The following CD96 variants were observed in gnomAD, a reference collection of about 807,000 sequenced individuals.
CD96 encodes the protein T-cell surface protein tactile.
In CD96, 70 loss-of-function variants were observed where a neutral mutation model predicts 71.3. The ratio of observed to expected loss-of-function variants is 0.98; its 90% CI spans 0.81 to 1.20. CD96 has a LOEUF of 1.20. Ranked by LOEUF, CD96 falls within the 50% of genes most tolerant of loss-of-function variation. CD96 has a pLI of 0.00. For missense variants in CD96, 742 were observed against 677.5 expected, an observed-to-expected ratio of 1.10 and a Z score of -1.06; for synonymous variants, 248 against 233.0, an observed-to-expected ratio of 1.06 and a Z score of -0.59.
intron 10 of CD96, among the ~76,000 whole-genome samples, chr3:111,631,275 G>A (rs1939048293): frequency 6.6e-6 from 1 of 152,148 alleles, no homozygotes; most frequent in South Asian, 2.1e-4. Flanking sequence ...AACTTCTTAA[G>A]CTGATAAGCA....
At chr3:111,572,221 T>C (rs978233183) in intron 3 of CD96, among the ~76,000 whole-genome samples, 9 of 152,330 alleles carry the variant, frequency 5.9e-5, no homozygotes, top group Admixed American at 5.2e-4. Flanking sequence ...TGAATAATCA[T>C]ATGAGACTCT....
intron 1 of CD96, among the ~76,000 whole-genome samples, 172 bp from the exon 2 acceptor site, chr3:111,544,874 T>G (rs1359522135): frequency 6.6e-6 from 1 of 152,228 alleles, no homozygotes; most frequent in African/African-American, 2.4e-5. Flanking sequence ...TCATTTATAT[T>G]GTCTCATGCA....
chr3:111,579,282 C>A, intron 4 of CD96, 48 bp downstream of exon 4: 1 of 998,004 alleles, frequency 1.0e-6, no homozygotes. Context: ...CTGTCTCCTG[C>A]CCTGCTCTTC....
In CD96 at chr3:111,619,220, T is replaced by A. The variant is rs540424238; in HGVS notation, c.1181-4534T>A. 7.4e-4 allele frequency among the ~76,000 whole-genome samples: 112 copies of A among 152,028 alleles called. 2 individuals carry two copies. The highest frequency in any genetic ancestry group is 1.6e-4 in the Non-Finnish European group (11 of 67,992). On this transcript the variant is annotated intron_variant, in intron 8 of 13. Coordinates refer to ENST00000352690, the MANE Select transcript of CD96 (RefSeq NM_005816.5). Reference sequence around the variant, plus strand: ...CAATTCAGCACTGACTGGAGCTGTCTTCTAACTTAATTGAATTTCCAGTGA... The same window carrying A: ...CAATTCAGCACTGACTGGAGCTGTCATCTAACTTAATTGAATTTCCAGTGA...
At chr3:111,656,366 C>G (rs1940228825), downstream of CD96, among the ~76,000 whole-genome samples, 1 of 152,132 alleles carries the variant, frequency 6.6e-6, no homozygotes, top group Non-Finnish European at 1.5e-5. Flanking sequence ...TGTCCGTTAT[C>G]AAGGCTTTGG....
In CD96 at chr3:111,553,457, C is replaced by A. The variant is rs1254545953; in HGVS notation, c.418+8055C>A. 2.4e-5 allele frequency among the ~76,000 whole-genome samples: 3 copies of A among 125,138 alleles called. No homozygotes were observed. The South Asian group carries it at 7.2e-4, about 30-fold the overall frequency. The allele number at this position is 125,138 out of a possible 152,430, so 82.1% of individuals were successfully genotyped here. A position where few individuals can be genotyped will look rare whatever the true frequency, so the allele number is the denominator to read the frequency against. On this transcript the variant is annotated intron_variant, in intron 2 of 13. Coordinates refer to ENST00000352690, the MANE Select transcript of CD96 (RefSeq NM_005816.5). ...TTCTTTTTTTTTTTTTTTGGCAAGA[C>A]TACGTGATAGATGATGCATAGTTAT...
At chr3:111,611,585 G>T (rs1937939953) in intron 8 of CD96, among the ~76,000 whole-genome samples, 1 of 152,066 alleles carries the variant, frequency 6.6e-6, no homozygotes, top group Non-Finnish European at 1.5e-5. Context: ...TGCCTCAATT[G>T]CTGTCCAATA....
intron 8 of CD96, among the ~76,000 whole-genome samples, chr3:111,618,122 G>A (rs1039456767): frequency 2.0e-5 from 3 of 152,180 alleles, no homozygotes; most frequent in Admixed American, 6.5e-5. Flanking sequence ...CAGACCCCAC[G>A]CTCACTCGTT....
At chr3:111,561,260 G>A (rs1262077750) in intron 2 of CD96, among the ~76,000 whole-genome samples, 26 of 150,222 alleles carry the variant, frequency 1.7e-4, no homozygotes, top group Admixed American at 7.3e-4. Context: ...GAGGAACTGT[G>A]TTCCTTTGGA....
intron 14 of CD96, among the ~76,000 whole-genome samples, chr3:111,663,157 C>CA (rs1471751848): frequency 3.3e-5 from 5 of 152,110 alleles, no homozygotes; most frequent in African/African-American, 9.7e-5. Context: ...CCCTTTCAAA[C>CA]AAAAAAGTGA....
intron 7 of CD96, among the ~76,000 whole-genome samples, chr3:111,605,937 A>C (rs760640444): frequency 2.0e-5 from 3 of 152,234 alleles, no homozygotes; most frequent in Non-Finnish European, 4.4e-5. Flanking sequence ...TCTAACTTCA[A>C]AATCATCTAA....
chr3:111,580,293 T>C (rs779885279), intron 4 of CD96, among the ~76,000 whole-genome samples: 3 of 152,168 alleles, frequency 2.0e-5, no homozygotes, highest in African/African-American at 7.2e-5. Context: ...AAGGTTAAAA[T>C]TCTATTTTCC....
intron 7 of CD96, among the ~76,000 whole-genome samples, chr3:111,601,952 G>A (rs1937511139): frequency 1.3e-5 from 2 of 152,174 alleles, no homozygotes; most frequent in Non-Finnish European, 2.9e-5. Flanking sequence ...CGCTCCCGTA[G>A]CCTTGCCTGT....
chr3:111,598,494 C>G (rs1937355729), intron 6 of CD96, among the ~76,000 whole-genome samples: 2 of 152,170 alleles, frequency 1.3e-5, no homozygotes, highest in Non-Finnish European at 2.9e-5. Context: ...TAAATGAGGA[C>G]AAAAAGTTTA....
intron 5 of CD96, among the ~76,000 whole-genome samples, chr3:111,585,817 T>G (rs970281856): frequency 6.6e-6 from 1 of 152,096 alleles, no homozygotes; most frequent in Non-Finnish European, 1.5e-5. Context: ...AGATATGCCC[T>G]CCTGTACTCC....
At position 111,649,763 on chromosome 3, in the gene CD96, C is replaced by T; in HGVS notation, c.1667C>T (p.Pro556Leu). 1 of 1,613,880 alleles carries T rather than the reference C, an allele frequency of 6.2e-7. No individual in the cohort carries two copies. Residue 556 changes from proline (P) to leucine (L), a missense_variant, in exon 14 of 14, where the codon CCC becomes CTC. By Grantham distance (98) the Pro-to-Leu change is moderately conservative (BLOSUM62 -3). Coordinates refer to ENST00000352690, the MANE Select transcript of CD96 (RefSeq NM_005816.5). ...PPIKYTCIQE[P>L]NESDLPYHEM... ...ATCAAGTACACTTGCATTCAAGAGC[C>T]CAACGAAAGTGATCTGCCTTATCAT...
Position 111,616,499 on chromosome 3 carries a change from T to C in CD96, c.1181-7255T>C, listed in dbSNP as rs16858337. 7.6e-3 allele frequency among the ~76,000 whole-genome samples: 1,150 copies of C among 152,074 alleles called. 17 individuals are homozygous for C. The highest frequency in any genetic ancestry group is 0.026 in the African/African-American group (1,091 of 41,466). ...GCTATCAAAGGCCTGCTATTCTGGGTGGTTGCGTGCTAGACATCATGAGTG... is the reference window on the plus strand; with the variant it reads ...GCTATCAAAGGCCTGCTATTCTGGGCGGTTGCGTGCTAGACATCATGAGTG... On this transcript the variant is annotated intron_variant, in intron 8 of 13. Transcript: ENST00000352690.
intron 14 of CD96, among the ~76,000 whole-genome samples, chr3:111,657,414 C>CAA (rs71299335): frequency 8.7e-5 from 10 of 114,916 alleles, no homozygotes; most frequent in South Asian, 3.0e-4. Context: ...GACTCCATTT[C>CAA]AAAAAAAAAA....
chr3:111,544,839 C>T (rs1393851927), intron 1 of CD96, among the ~76,000 whole-genome samples: 1 of 152,186 alleles, frequency 6.6e-6, no homozygotes, highest in Non-Finnish European at 1.5e-5. Flanking sequence ...GTAATTACCT[C>T]TAGCTTCTCT....
Sources: gnomAD v4.1 joint callset for allele counts (sites outside exome capture counted in the v4.1 genomes callset) on GRCh38, gnomAD v4.1.1 for gene constraint, MANE v1.5 for transcripts, NCBI Gene and HGNC (gene_info 2026-07-23, HGNC 2026-07-21) for gene names.